KATNIP: variants seen among roughly 807,000 people sequenced by gnomAD.
The protein encoded by KATNIP is katanin-interacting protein.
A neutral mutation model predicts 174.0 loss-of-function variants in KATNIP; 126 were observed. The ratio of observed to expected loss-of-function variants is 0.72; its 90% CI spans 0.63 to 0.84. KATNIP has a LOEUF of 0.84. Among genes scored for constraint, KATNIP ranks in the 40% least tolerant of loss-of-function variants. KATNIP has a pLI of 0.00. For missense variants in KATNIP, 1,958 were observed against 2,109.7 expected (o/e 0.93, Z 1.41); for synonymous variants, 810 against 835.7 (o/e 0.97, Z 0.53).
intron 2 of KATNIP, among the ~76,000 whole-genome samples, chr16:27,582,626 A>G (rs1250653678): frequency 1.3e-5 from 2 of 152,074 alleles, no homozygotes; most frequent in African/African-American, 4.8e-5. Context: ...GAGCTTGCGA[A>G]CCCTGGAACC....
intron 14 of KATNIP, among the ~76,000 whole-genome samples, chr16:27,733,084 G>A (rs1212547847): frequency 6.6e-6 from 1 of 152,188 alleles, no homozygotes; most frequent in Non-Finnish European, 1.5e-5. Flanking sequence ...CATTCCAGAT[G>A]TTTGTTCTCA....
chr16:27,581,264 C>T (rs1270139299), intron 2 of KATNIP, among the ~76,000 whole-genome samples: 1 of 152,164 alleles, frequency 6.6e-6, no homozygotes, highest in African/African-American at 2.4e-5. Context: ...AAAGAATATT[C>T]TGGAGCAGAC....
chr16:27,756,399 T>C (rs995302775), intron 18 of KATNIP, among the ~76,000 whole-genome samples: 1 of 152,240 alleles, frequency 6.6e-6, no homozygotes, highest in Non-Finnish European at 1.5e-5. Flanking sequence ...CTCTGCCTTA[T>C]CTCGCTGTAA....
chr16:27,645,377 A>C (rs2076929254), intron 5 of KATNIP, among the ~76,000 whole-genome samples: 1 of 152,224 alleles, frequency 6.6e-6, no homozygotes, highest in Non-Finnish European at 1.5e-5. Context: ...GCTCAAGGTC[A>C]CACAAGGAGT....
intron 1 of KATNIP, among the ~76,000 whole-genome samples, chr16:27,564,537 AAAG>A (rs1456977703): frequency 6.6e-6 from 1 of 152,124 alleles, no homozygotes; most frequent in East Asian, 1.9e-4. Context: ...TTGGAAAGGA[AAAG>A]AAGATCTTAG....
In KATNIP at chr16:27,658,956, G is replaced by A. The variant is rs541459085; in HGVS notation, c.540+10221G>A. ...TTTTTTTTTTTTTCCCAGTAGAGAC[G>A]GGGTTTCACCATGTTGGCCAGGCTA... On this transcript the variant is annotated intron_variant, in intron 6 of 27. Coordinates refer to ENST00000261588, the MANE Select transcript of KATNIP (RefSeq NM_015202.5). 6.8e-4 allele frequency among the ~76,000 whole-genome samples: 103 copies of A among 151,442 alleles called. 1 individual carries two copies. Among genetic ancestry groups the A allele is most frequent in the African/African-American group, 2.4e-3 (97 of 41,242 alleles).
In KATNIP at chr16:27,777,765, C is replaced by CA. The variant is rs1181016376; in HGVS notation, c.4708dup (p.Ile1570AsnfsTer3). ...TCCGCCACCAGGAGAAACACACCAC[C>CA]ATCAGGTAGGGCCCCAGCCGGCCCC... On this transcript the variant is annotated frameshift_variant, in exon 26 of 28. Coordinates refer to ENST00000261588, the MANE Select transcript of KATNIP (RefSeq NM_015202.5). LOFTEE classifies it high-confidence loss of function. The surrounding 1 kb of genome is among the most constrained non-coding windows in gnomAD (Gnocchi z 4.4). 1 of 1,613,466 alleles carries CA rather than the reference C, an allele frequency of 6.2e-7. No homozygotes were observed. The highest frequency in any genetic ancestry group is 2.2e-5 in the East Asian group (1 of 44,886).
intron 17 of KATNIP, among the ~76,000 whole-genome samples, chr16:27,752,631 A>C (rs1194997432): frequency 1.3e-5 from 2 of 152,184 alleles, no homozygotes; most frequent in East Asian, 3.8e-4. Flanking sequence ...AGCTCATTGC[A>C]GCTCAAACTC....
chr16:27,694,840 A>G (rs2078861542), intron 8 of KATNIP, among the ~76,000 whole-genome samples: 1 of 151,696 alleles, frequency 6.6e-6, no homozygotes, highest in African/African-American at 2.4e-5. Context: ...TCCAGCCTAG[A>G]CTCTCTCAAA....
chr16:27,677,122 C>G (rs1450185657), intron 6 of KATNIP, among the ~76,000 whole-genome samples: 1 of 152,080 alleles, frequency 6.6e-6, no homozygotes, highest in African/African-American at 2.4e-5. Context: ...ACAAAAGAAA[C>G]ATGAAAAAAA....
In KATNIP at chr16:27,704,000, TGA is replaced by T; in HGVS notation, c.1389+6_1389+7del. The T allele has an allele frequency of 6.2e-7, 1 of 1,611,340 alleles. No homozygotes were observed. Among genetic ancestry groups the T allele is most frequent in the Non-Finnish European group, 8.5e-7 (1 of 1,177,578 alleles). ...AAGGAGCAAGTATCAGACACAGAGG[TGA>T]GAGCCTTGACTTGATTTTCAGTTGT... On this transcript the variant is annotated splice_donor_region_variant and intron_variant, in intron 12 of 27. Transcript: ENST00000261588.
At chr16:27,559,247 C>G (rs1567434324) in intron 1 of KATNIP, among the ~76,000 whole-genome samples, 1 of 152,218 alleles carries the variant, frequency 6.6e-6, no homozygotes, top group Non-Finnish European at 1.5e-5. Context: ...TGGATCATAT[C>G]ACCTTGAAGT....
At chr16:27,658,622 C>T (rs751888973) in intron 6 of KATNIP, among the ~76,000 whole-genome samples, 4 of 152,240 alleles carry the variant, frequency 2.6e-5, no homozygotes, top group Admixed American at 2.6e-4. Context: ...GGGGTCTGCC[C>T]TTCTCTTTGG....
chr16:27,617,380 A>C (rs1317396548), intron 2 of KATNIP, among the ~76,000 whole-genome samples: 1 of 152,216 alleles, frequency 6.6e-6, no homozygotes, highest in Admixed American at 6.6e-5. Flanking sequence ...GGAAGAGAGC[A>C]GCTCTTTTTC....
chr16:27,654,566 A>C, intron 6 of KATNIP: 1 of 1,350,796 alleles, frequency 7.4e-7, no homozygotes, highest in Non-Finnish European at 9.8e-7. Context: ...CAGGGACAGG[A>C]AGTTGTTTTT....
intron 2 of KATNIP, among the ~76,000 whole-genome samples, chr16:27,612,487 G>A (rs1158747561): frequency 2.6e-5 from 4 of 152,122 alleles, no homozygotes; most frequent in African/African-American, 9.7e-5. Context: ...GCCAGGTGTG[G>A]TGGCTCACGC....
At chr16:27,550,710 A>C (rs2089317533) in intron 1 of KATNIP, among the ~76,000 whole-genome samples, 1 of 152,226 alleles carries the variant, frequency 6.6e-6, no homozygotes, top group South Asian at 2.1e-4. Context: ...GCTAAGCTTC[A>C]TACCAGCCTT....
rs1462834124 is a variant in KATNIP at position 27,706,425 on chromosome 16, T to TC, written c.1390-2276dup. The stretch of plus-strand genomic sequence containing the variant: ...CTCCCTGGAGTGGGAAAGGGTCAGT[T>TC]CCCCTATGCTTTATGGCTGAGAAAA... On this transcript the variant is annotated intron_variant, in intron 12 of 27. Transcript: ENST00000261588. Among the ~76,000 whole-genome samples, 17 of 152,150 alleles carry TC rather than the reference T, an allele frequency of 1.1e-4. 1 individual carries two copies. The highest frequency in any genetic ancestry group is 2.9e-5 in the Non-Finnish European group (2 of 68,022).
chr16:27,774,875 A>G lies in KATNIP; in HGVS notation c.4310-70A>G, dbSNP rs552575818. ...GCCCCAGAGTCCCCCGAGCCACGCC[A>G]TCAGCCTGAGGGTGGCTGGCAGCCC... On this transcript the variant is annotated intron_variant, in intron 23 of 27. Coordinates refer to ENST00000261588, the MANE Select transcript of KATNIP (RefSeq NM_015202.5). 1.1e-4 allele frequency: 176 copies of G among 1,591,364 alleles called. No individual in the cohort carries two copies. The East Asian group carries it at 4.0e-3, about 36-fold the overall frequency.
Sources: gnomAD v4.1 joint callset for allele counts (sites outside exome capture counted in the v4.1 genomes callset) on GRCh38, gnomAD v4.1.1 for gene constraint, Gnocchi (gnomAD v3.1) non-coding constraint, MANE v1.5 for transcripts, NCBI Gene and HGNC (gene_info 2026-07-23, HGNC 2026-07-21) for gene names.